DHRS12: variants seen among roughly 807,000 people sequenced by gnomAD.
The protein encoded by DHRS12 is dehydrogenase/reductase 12.
DHRS12 carries 29 observed loss-of-function variants against 32.1 expected under a neutral mutation model. The ratio of observed to expected loss-of-function variants is 0.90; its 90% CI spans 0.67 to 1.23. The LOEUF (loss-of-function observed/expected upper bound fraction) is 1.23, where lower values mean the gene tolerates loss of function less well. Ranked by LOEUF, DHRS12 falls within the 50% of genes most tolerant of loss-of-function variation. DHRS12 has a pLI of 0.00. For missense variants in DHRS12, 330 were observed against 337.2 expected, an observed-to-expected ratio of 0.98 and a Z score of 0.17; for synonymous variants, 150 against 135.9, an observed-to-expected ratio of 1.10 and a Z score of -0.72.
chr13:51,791,728 CTT>C (rs768262837), intron 2 of DHRS12, among the ~76,000 whole-genome samples: 13 of 152,300 alleles, frequency 8.5e-5, no homozygotes, highest in Non-Finnish European at 1.8e-4. Flanking sequence ...CTAACTGAAA[CTT>C]TGTGCCCTTT....
intron 1 of DHRS12, among the ~76,000 whole-genome samples, chr13:51,800,353 T>C (rs512948): frequency 0.21 from 32,212 of 152,246 alleles, 3,907 homozygotes; most frequent in East Asian, 0.47. Context: ...TTGTGAGTTC[T>C]TTAACTGTTT....
At chr13:51,755,915 C>T in the DHRS12 span, among the ~76,000 whole-genome samples, 1 of 152,080 alleles carries the variant, frequency 6.6e-6, no homozygotes, top group Non-Finnish European at 1.5e-5. Flanking sequence ...GTTAGGTCAC[C>T]TAGGCTTACC....
the DHRS12 span, chr13:51,756,595 TA>T: frequency 2.2e-6 from 3 of 1,388,788 alleles, no homozygotes; most frequent in African/African-American, 2.9e-5. Context: ...CGGCAAGCAG[TA>T]AAAGCTCTCC....
At chr13:51,787,901 TAA>T (rs1389910595) in intron 4 of DHRS12, among the ~76,000 whole-genome samples, 1 of 129,442 alleles carries the variant, frequency 7.7e-6, no homozygotes, top group Non-Finnish European at 1.6e-5. Context: ...TAAATATATA[TAA>T]AAATATATAA....
At chr13:51,774,295 TGTATTCTCCTACA>T (rs1473302295) in intron 5 of DHRS12, 7 of 133,864 alleles carry the variant, frequency 5.2e-5, no homozygotes, top group Non-Finnish European at 6.4e-5. Context: ...TTCTCCTACA[TGTATTCTCCTACA>T]GTATTCTCCT....
At chr13:51,770,280 C>T (rs1953952248) in intron 7 of DHRS12, among the ~76,000 whole-genome samples, 1 of 152,238 alleles carries the variant, frequency 6.6e-6, no homozygotes, top group Admixed American at 6.5e-5. Context: ...TCCGCATGCT[C>T]AGCCCTCCCA....
At chr13:51,794,792 G>GT (rs34797291) in intron 2 of DHRS12, among the ~76,000 whole-genome samples, 55 of 147,040 alleles carry the variant, frequency 3.7e-4, no homozygotes, top group East Asian at 3.2e-3. Flanking sequence ...TAAAATAGAA[G>GT]TTTTTTTTTT....
intron 4 of DHRS12, among the ~76,000 whole-genome samples, chr13:51,787,884 T>C (rs1186889162): frequency 1.5e-5 from 2 of 132,540 alleles, no homozygotes; most frequent in African/African-American, 2.8e-5. Flanking sequence ...TAATTATATA[T>C]AATATATAAA....
At position 51,786,749 on chromosome 13, in the gene DHRS12, G is replaced by A. The variant is rs544002824; in HGVS notation, c.301+3262C>T. 1.9e-3 allele frequency among the ~76,000 whole-genome samples: 284 copies of A among 152,322 alleles called. 1 individual carries two copies. Among genetic ancestry groups the A allele is most frequent in the African/African-American group, 6.5e-3 (271 of 41,562 alleles). On this transcript the variant is annotated intron_variant, in intron 4 of 8. Transcript: ENST00000444610. ...AGCTTCAAAACCCTTAGGATCCAGT[G>A]ATAAATCCTGCGAATGCTGAGGTTT...
chr13:51,784,338 C>T (rs1341816656), intron 4 of DHRS12, among the ~76,000 whole-genome samples: 1 of 152,162 alleles, frequency 6.6e-6, no homozygotes, highest in Admixed American at 6.5e-5. Context: ...AGCAGAGTCA[C>T]AGAGGAGCAG....
chr13:51,771,636 C>G, intron 7 of DHRS12, 185 bp downstream of exon 7: 3 of 1,438,930 alleles, frequency 2.1e-6, no homozygotes, highest in Non-Finnish European at 2.8e-6. Context: ...AGCAAAAGCT[C>G]TGTGTCTGTA....
chr13:51,794,071 G>C (rs1354855013), intron 2 of DHRS12, among the ~76,000 whole-genome samples: 2 of 152,184 alleles, frequency 1.3e-5, no homozygotes, highest in Non-Finnish European at 2.9e-5. Flanking sequence ...AGGCCACAAA[G>C]CACCCAGAAG....
At chr13:51,773,021 C>T (rs995066678) in intron 6 of DHRS12, 1 of 985,444 alleles carries the variant, frequency 1.0e-6, no homozygotes, top group South Asian at 4.7e-5. Flanking sequence ...GCCTTACAGA[C>T]AATGTGGGCG....
At chr13:51,792,292 T>C (rs1282090214) in intron 2 of DHRS12, among the ~76,000 whole-genome samples, 2 of 152,260 alleles carry the variant, frequency 1.3e-5, no homozygotes, top group African/African-American at 4.8e-5. Flanking sequence ...AATAGCATCC[T>C]GAGAGGTGTG....
Position 51,769,138 on chromosome 13 carries a change from A to C in DHRS12, c.697+18T>G. The C allele has an allele frequency of 1.9e-6, 3 of 1,548,772 alleles. No homozygotes were observed. Among genetic ancestry groups the C allele is most frequent in the Non-Finnish European group, 1.7e-6 (2 of 1,146,866 alleles). ...CTAGCCCTGTGTCAGCTGCCTTCAC[A>C]GCCAGGGAGGAAGTCACCTTGAAAG... On this transcript the variant is annotated intron_variant, in intron 8 of 8. Transcript: ENST00000444610.
At chr13:51,778,106 A>G (rs943952436) in intron 4 of DHRS12, among the ~76,000 whole-genome samples, 2 of 152,160 alleles carry the variant, frequency 1.3e-5, no homozygotes, top group East Asian at 1.9e-4. Context: ...AGGGTCCTGG[A>G]GGTGGATCCA....
chr13:51,790,133 G>A (rs1955198972), intron 3 of DHRS12, 41 bp from the exon 4 acceptor site: 1 of 1,511,798 alleles, frequency 6.6e-7, no homozygotes, highest in Non-Finnish European at 8.9e-7. Flanking sequence ...AGAAAAATAG[G>A]GCCAAAAGAC....
intron 4 of DHRS12, among the ~76,000 whole-genome samples, chr13:51,784,467 G>A (rs1954861862): frequency 6.6e-6 from 1 of 152,158 alleles, no homozygotes; most frequent in Non-Finnish European, 1.5e-5. Flanking sequence ...GGTCCATATA[G>A]GAAAATAATG....
chr13:51,758,132 A>C, the DHRS12 span: 11 of 1,279,608 alleles, frequency 8.6e-6, no homozygotes, highest in Non-Finnish European at 1.2e-5. Context: ...GTCATCCTAG[A>C]TCTCTCTCAT....
Sources: allele counts gnomAD v4.1 joint callset (sites outside exome capture counted in the v4.1 genomes callset), GRCh38; gene constraint gnomAD v4.1.1; transcripts MANE v1.5; gene names NCBI Gene and HGNC (gene_info 2026-07-23, HGNC 2026-07-21).